Variants in MERTK observed in about 807,000 individuals in gnomAD.
MERTK encodes tyrosine-protein kinase Mer.
MERTK carries 69 observed loss-of-function variants against 99.3 expected under a neutral mutation model. That is an observed-to-expected ratio of 0.70 (90% CI 0.57 to 0.85). MERTK has a LOEUF of 0.85. MERTK is among the 40% of genes least tolerant of loss of function. The pLI is 0.00. For synonymous variants in MERTK, 426 were observed against 467.6 expected, an observed-to-expected ratio of 0.91 and a Z score of 1.15; for missense variants, 1,125 against 1,249.4, an observed-to-expected ratio of 0.90 and a Z score of 1.50.
chr2:111,959,661 A>G (rs574949712), intron 4 of MERTK, among the ~76,000 whole-genome samples: 1 of 152,138 alleles, frequency 6.6e-6, no homozygotes, highest in Admixed American at 6.5e-5. Flanking sequence ...TTTTGTAGAG[A>G]TGGGGTTTCA....
chr2:112,021,602 C>T (rs1677352385), intron 17 of MERTK, 21 bp downstream of exon 17: 1 of 1,596,540 alleles, frequency 6.3e-7, no homozygotes, highest in Non-Finnish European at 8.6e-7. Context: ...AGCTTTGATT[C>T]AGGGGTCCCA....
At chr2:111,909,887 G>A (rs1009975588) in intron 1 of MERTK, among the ~76,000 whole-genome samples, 3 of 152,128 alleles carry the variant, frequency 2.0e-5, no homozygotes, top group Non-Finnish European at 4.4e-5. Flanking sequence ...AAAAACTACA[G>A]ATGGAACTAC....
intron 2 of MERTK, among the ~76,000 whole-genome samples, chr2:111,939,268 C>T (rs920824721): frequency 6.6e-6 from 1 of 151,988 alleles, no homozygotes; most frequent in Non-Finnish European, 1.5e-5. Context: ...GTCTCTCTTC[C>T]TCTTCTTATA....
chr2:111,941,473 G>A (rs1025928577), intron 2 of MERTK, among the ~76,000 whole-genome samples: 1 of 152,110 alleles, frequency 6.6e-6, no homozygotes, highest in Non-Finnish European at 1.5e-5. Context: ...CCCCCCTTCC[G>A]CATCCACTCT....
intron 2 of MERTK, among the ~76,000 whole-genome samples, chr2:111,940,010 G>C (rs1454801036): frequency 6.6e-6 from 1 of 151,788 alleles, no homozygotes; most frequent in African/African-American, 2.4e-5. Flanking sequence ...TCTGGGTCTG[G>C]GGTCCAGCTA....
chr2:111,965,302 A>G (rs1685339455), intron 5 of MERTK, 25 bp downstream of exon 5: 2 of 1,608,168 alleles, frequency 1.2e-6, no homozygotes, highest in Admixed American at 3.3e-5. Context: ...TAGGCTCCCC[A>G]TGCATGTTCT....
At chr2:111,904,633 C>G (rs1273102748) in intron 1 of MERTK, among the ~76,000 whole-genome samples, 2 of 152,196 alleles carry the variant, frequency 1.3e-5, no homozygotes, top group African/African-American at 4.8e-5. Context: ...CTCGGCCTCT[C>G]AAAGTGCTGG....
In MERTK at chr2:112,009,931, T is replaced by C; in HGVS notation, c.1961-17T>C. The C allele has an allele frequency of 6.4e-7, 1 of 1,561,048 alleles. No homozygotes were observed. Among genetic ancestry groups the C allele is most frequent in the Non-Finnish European group, 8.8e-7 (1 of 1,131,892 alleles). On this transcript the variant is annotated splice_polypyrimidine_tract_variant and intron_variant, in intron 14 of 18. Coordinates refer to ENST00000295408, the MANE Select transcript of MERTK (RefSeq NM_006343.3). The stretch of plus-strand genomic sequence containing the variant: ...AACAAGGACTCTTTGTAATTGATGC[T>C]GTGTTTGTAATTTCAGGTGTGTGTA...
At chr2:112,027,445 T>C (rs1311872469) in intron 18 of MERTK, among the ~76,000 whole-genome samples, 1 of 152,114 alleles carries the variant, frequency 6.6e-6, no homozygotes, top group Non-Finnish European at 1.5e-5. Flanking sequence ...ACTCTTCATC[T>C]CAGCCTATTG....
intron 7 of MERTK, among the ~76,000 whole-genome samples, chr2:111,980,002 G>T (rs1676335416): frequency 1.3e-5 from 2 of 152,110 alleles, no homozygotes; most frequent in African/African-American, 4.8e-5. Context: ...GAACTCTGTG[G>T]GTATGGGCAG....
At chr2:112,020,466 T>C in intron 16 of MERTK, 1 of 398,718 alleles carries the variant, frequency 2.5e-6, no homozygotes, top group Non-Finnish European at 5.0e-6. Flanking sequence ...TTCCCCAGAC[T>C]ACTTTATATC....
At chr2:111,919,446 T>C (rs1405394505) in intron 1 of MERTK, among the ~76,000 whole-genome samples, 1 of 152,064 alleles carries the variant, frequency 6.6e-6, no homozygotes, top group Non-Finnish European at 1.5e-5. Context: ...TTAAAAACAT[T>C]TCCTGGAAGA....
chr2:111,983,477 G>A (rs185332300), intron 8 of MERTK, among the ~76,000 whole-genome samples: 2 of 152,342 alleles, frequency 1.3e-5, no homozygotes, highest in East Asian at 1.9e-4. Context: ...AGACACCAAA[G>A]GAGGAGACCG....
chr2:111,959,479 G>T (rs1685205565), intron 4 of MERTK, among the ~76,000 whole-genome samples: 1 of 151,534 alleles, frequency 6.6e-6, no homozygotes, highest in African/African-American at 2.4e-5. Context: ...GTTTCTTTTT[G>T]GTTTTTTGTT....
intron 8 of MERTK, among the ~76,000 whole-genome samples, chr2:111,988,961 G>A (rs1474088786): frequency 6.6e-6 from 1 of 152,068 alleles, no homozygotes; most frequent in East Asian, 1.9e-4. Flanking sequence ...AAACCACTGT[G>A]AGAAAGATAA....
chr2:111,979,529 C>CTT (rs921512209), intron 7 of MERTK, among the ~76,000 whole-genome samples: 1 of 150,078 alleles, frequency 6.7e-6, no homozygotes. Flanking sequence ...GGTCCTTAAA[C>CTT]TTTTTTTTTT....
At position 111,898,641 on chromosome 2, in the gene MERTK, G is replaced by A; in HGVS notation, c.-95G>A. 6.9e-7 allele frequency: 1 copy of A among 1,458,190 alleles called. No individual in the cohort carries two copies. Among genetic ancestry groups the A allele is most frequent in the Non-Finnish European group, 9.4e-7 (1 of 1,063,886 alleles). 90.3% of individuals were successfully genotyped at this position (1,458,190 alleles called of 1,614,324 possible). ...TCACTGCCCGGGCCGCCCGGACAGG[G>A]AGCTTCGCTGGCGCGCTTGGCCGGC... On this transcript the variant is annotated 5_prime_UTR_variant, in exon 1 of 19. Transcript: ENST00000295408.
intron 8 of MERTK, among the ~76,000 whole-genome samples, chr2:111,984,705 A>G (rs1454995235): frequency 6.6e-6 from 1 of 152,180 alleles, no homozygotes; most frequent in Non-Finnish European, 1.5e-5. Flanking sequence ...GATGACCTAG[A>G]TGATTCTTCT....
At chr2:111,925,273 C>T (rs1684533593) in intron 1 of MERTK, among the ~76,000 whole-genome samples, 1 of 74,622 alleles carries the variant, frequency 1.3e-5, no homozygotes. Context: ...TTGTACAGAT[C>T]AGATATATAT....
Sources: gnomAD v4.1 joint callset for allele counts (sites outside exome capture counted in the v4.1 genomes callset) on GRCh38, gnomAD v4.1.1 for gene constraint, MANE v1.5 for transcripts, NCBI Gene and HGNC (gene_info 2026-07-23, HGNC 2026-07-21) for gene names.